The following CRADD variants were observed in gnomAD, a reference collection of about 807,000 sequenced individuals.
The protein encoded by CRADD is death domain-containing protein CRADD.
CRADD carries 9 observed loss-of-function variants against 15.5 expected under a neutral mutation model. That is an observed-to-expected ratio of 0.58 (90% CI 0.35 to 1.01). The LOEUF is 1.01. Among genes scored for constraint, CRADD ranks in the 50% least tolerant of loss-of-function variants. CRADD has a pLI of 0.02. For synonymous variants in CRADD, 118 were observed against 107.6 expected (o/e 1.10, Z -0.60); for missense variants, 227 against 250.3 (o/e 0.91, Z 0.63).
intron 2 of CRADD, among the ~76,000 whole-genome samples, chr12:93,699,315 C>T (rs1490012052): frequency 6.6e-6 from 1 of 152,144 alleles, no homozygotes; most frequent in Non-Finnish European, 1.5e-5. Context: ...TCTTTCATTT[C>T]TAAAATTGTA....
At chr12:93,708,678 A>G (rs9308296) in intron 2 of CRADD, 81,395 of 152,172 alleles carry the variant, frequency 0.53, 22,230 homozygotes, top group East Asian at 0.67. Flanking sequence ...TGTCTGCCTT[A>G]TTAATTATTG....
At chr12:93,853,926 C>T (rs527809851), downstream of CRADD, among the ~76,000 whole-genome samples, 49 of 152,240 alleles carry the variant, frequency 3.2e-4, no homozygotes, top group Admixed American at 6.5e-4. Flanking sequence ...TCGGTTTTGC[C>T]TTTTCATTGT....
At chr12:93,768,452 G>T (rs974848811) in intron 2 of CRADD, among the ~76,000 whole-genome samples, 1 of 150,766 alleles carries the variant, frequency 6.6e-6, no homozygotes, top group Non-Finnish European at 1.5e-5. Flanking sequence ...CAAGTCCTCA[G>T]TGTTAAAGTT....
chr12:93,871,471 AC>A (rs1308757737), intron 2 of CRADD, among the ~76,000 whole-genome samples: 1 of 152,152 alleles, frequency 6.6e-6, no homozygotes, highest in Non-Finnish European at 1.5e-5. Flanking sequence ...GACTATAGTC[AC>A]CCTGTTTTGC....
chr12:93,772,532 T>C (rs1014182607), intron 2 of CRADD, among the ~76,000 whole-genome samples: 1 of 152,250 alleles, frequency 6.6e-6, no homozygotes, highest in African/African-American at 2.4e-5. Flanking sequence ...TCCCCAGAAT[T>C]AATTAACATG....
In CRADD at chr12:93,850,731, A is replaced by G. The variant is rs1424614256; in HGVS notation, c.*460A>G. The G allele has an allele frequency of 1.0e-6, 1 of 984,346 alleles. No individual in the cohort carries two copies. The highest frequency in any genetic ancestry group is 1.2e-6 in the Non-Finnish European group (1 of 829,352). 61.0% of individuals were successfully genotyped at this position (984,346 alleles called of 1,614,324 possible). A position where few individuals can be genotyped will look rare whatever the true frequency, so the allele number is the denominator to read the frequency against. On this transcript the variant is annotated 3_prime_UTR_variant, in exon 3 of 3. Coordinates refer to ENST00000332896, the MANE Select transcript of CRADD (RefSeq NM_003805.5). The surrounding 1 kb of genome is among the most constrained non-coding windows in gnomAD (Gnocchi z 4.0). Reference sequence around the variant, plus strand: ...AAAATAATAAAATGCGAATTACTATATATAATGTGCCTCACTCATGAGAAA... The same window carrying G: ...AAAATAATAAAATGCGAATTACTATGTATAATGTGCCTCACTCATGAGAAA...
chr12:93,738,169 A>C (rs1956609857), intron 2 of CRADD: 1 of 601,678 alleles, frequency 1.7e-6, no homozygotes, highest in Non-Finnish European at 3.0e-6. Flanking sequence ...GTCAGTTGGA[A>C]CAAAACAACA....
At chr12:93,732,350 G>C (rs994247929) in intron 2 of CRADD, among the ~76,000 whole-genome samples, 4 of 152,160 alleles carry the variant, frequency 2.6e-5, no homozygotes, top group Non-Finnish European at 5.9e-5. Flanking sequence ...GGTAGTTTTA[G>C]AAACAGATTT....
chr12:93,683,155 A>T (rs1955358432), intron 2 of CRADD, among the ~76,000 whole-genome samples: 1 of 152,054 alleles, frequency 6.6e-6, no homozygotes, highest in Non-Finnish European at 1.5e-5. Context: ...TGCCTGAGCT[A>T]ATCTGGATCT....
At chr12:93,813,953 G>A (rs3847788) in intron 2 of CRADD, among the ~76,000 whole-genome samples, 148,805 of 152,200 alleles carry the variant, frequency 0.98, 72,762 homozygotes, top group East Asian at 1. Flanking sequence ...GTGCCACAGA[G>A]CAGAAATTGA....
rs2136971426 is a variant in CRADD at position 93,780,721 on chromosome 12, A to G, written c.299-69249A>G. ...GGAATATCAAAATGATAAACAACAC[A>G]TAAAGACGTTCTTGATTACCTTTTT... is the stretch of plus-strand genomic sequence containing the variant. On this transcript the variant is annotated intron_variant, in intron 2 of 2. Transcript: ENST00000332896. Among the ~76,000 whole-genome samples, 6 of 152,220 alleles carry G rather than the reference A, an allele frequency of 3.9e-5. 1 individual carries two copies. Among genetic ancestry groups the G allele is most frequent in the Admixed American group, 3.9e-4 (6 of 15,286 alleles).
chr12:93,710,373 T>C (rs1956041995), intron 2 of CRADD, among the ~76,000 whole-genome samples: 1 of 132,774 alleles, frequency 7.5e-6, no homozygotes, highest in Non-Finnish European at 1.6e-5. Context: ...TGAGACGGAG[T>C]CTTGCTCTGT....
At chr12:93,893,539 G>A (rs1046472592) in intron 2 of CRADD, among the ~76,000 whole-genome samples, 7 of 152,158 alleles carry the variant, frequency 4.6e-5, no homozygotes, top group African/African-American at 1.7e-4. Context: ...GCATTTGTTT[G>A]TTTTAATTTA....
At chr12:93,852,997 C>A (rs952548773), downstream of CRADD, among the ~76,000 whole-genome samples, 1 of 151,994 alleles carries the variant, frequency 6.6e-6, no homozygotes, top group Non-Finnish European at 1.5e-5. Context: ...ATAAGAATTA[C>A]CCCTACTCCC....
At chr12:93,864,746 C>T (rs376533538) in intron 2 of CRADD, among the ~76,000 whole-genome samples, 9 of 152,276 alleles carry the variant, frequency 5.9e-5, no homozygotes, top group African/African-American at 2.2e-4. Context: ...CGTATGTGTA[C>T]CCCTCAGTAC....
chr12:93,852,736 C>G (rs1455850629), downstream of CRADD, among the ~76,000 whole-genome samples: 2 of 152,056 alleles, frequency 1.3e-5, no homozygotes, highest in Non-Finnish European at 2.9e-5. Context: ...TGTTTATCCC[C>G]AAGAAAACTG....
chr12:93,882,415 T>G (rs1223601895), intron 2 of CRADD, among the ~76,000 whole-genome samples: 1 of 135,348 alleles, frequency 7.4e-6, no homozygotes, highest in Non-Finnish European at 1.5e-5. Context: ...AGCGAGACTC[T>G]GTCTCAAAAA....
chr12:93,866,016 A>G (rs972304216), intron 2 of CRADD, among the ~76,000 whole-genome samples: 2 of 152,274 alleles, frequency 1.3e-5, no homozygotes, highest in Middle Eastern at 3.4e-3. Flanking sequence ...ATTAATGGTC[A>G]TTCTGATTTT....
chr12:93,866,771 A>G, intron 2 of CRADD, among the ~76,000 whole-genome samples: 1 of 152,186 alleles, frequency 6.6e-6, no homozygotes, highest in East Asian at 1.9e-4. Flanking sequence ...TTGGCTTGTC[A>G]GATGTTTTCA....
Sources: gnomAD v4.1 joint callset for allele counts (sites outside exome capture counted in the v4.1 genomes callset) on GRCh38, gnomAD v4.1.1 for gene constraint, Gnocchi (gnomAD v3.1) non-coding constraint, MANE v1.5 for transcripts, NCBI Gene and HGNC (gene_info 2026-07-23, HGNC 2026-07-21) for gene names.